Variants in CCDC91 observed in about 807,000 individuals in gnomAD.
CCDC91 encodes coiled-coil domain containing 91.
Under a neutral mutation model 63.2 loss-of-function variants are expected in CCDC91, and 48 were observed. The ratio of observed to expected loss-of-function variants is 0.76; its 90% confidence interval spans 0.60 to 0.97. The LOEUF (loss-of-function observed/expected upper bound fraction) is 0.97, where lower values mean the gene tolerates loss of function less well. Ranked by LOEUF, CCDC91 falls within the 50% of genes least tolerant of loss-of-function variation. The pLI is 0.00. For missense variants in CCDC91, 500 were observed against 494.6 expected (o/e 1.01, Z -0.10); for synonymous variants, 167 against 165.8 (o/e 1.01, Z -0.06).
chr12:28,278,364 C>T lies in CCDC91; in HGVS notation c.109+18922C>T, dbSNP rs1705080898. Reference sequence around the variant, plus strand: ...CCTTGATCCTTTTATATTTTCACTTCGATGAAATCTTTTAATTGAAGATAT... The same window carrying T: ...CCTTGATCCTTTTATATTTTCACTTTGATGAAATCTTTTAATTGAAGATAT... On this transcript the variant is annotated intron_variant, in intron 3 of 12. Coordinates refer to ENST00000536442, the MANE Select transcript of CCDC91 (RefSeq NM_018318.5). Among the ~76,000 whole-genome samples, 5 of 152,050 alleles carry T rather than the reference C, an allele frequency of 3.3e-5. No homozygotes were observed. In the South Asian group the frequency reaches 1.0e-3, roughly 32 times the overall value.
At chr12:28,208,792 T>C (rs1322194445) in intron 1 of CCDC91, among the ~76,000 whole-genome samples, 1 of 152,098 alleles carries the variant, frequency 6.6e-6, no homozygotes, top group Admixed American at 6.5e-5. Flanking sequence ...AGAAAATCTT[T>C]CATTATTTTA....
chr12:28,406,289 A>G (rs1160175717), intron 8 of CCDC91, among the ~76,000 whole-genome samples: 1 of 151,768 alleles, frequency 6.6e-6, no homozygotes, highest in East Asian at 1.9e-4. Context: ...AAAAAAAAAA[A>G]AAAATCCCTC....
rs567618316 is a variant in CCDC91, at chr12:28,297,319, G to C, written c.110-8330G>C. On this transcript the variant is annotated intron_variant, in intron 3 of 12. Transcript: ENST00000536442. ...GGGAAAAAAAATTGCACACTGTTTG[G>C]AAACTTGGTGCTCCTTCGCCTGTGT... Among the ~76,000 whole-genome samples the C allele has an allele frequency of 3.3e-5, 5 of 151,892 alleles. No individual in the cohort carries two copies. In the South Asian group the frequency reaches 1.0e-3, roughly 31 times the overall value.
chr12:28,357,247 T>C (rs1943585119), intron 6 of CCDC91, among the ~76,000 whole-genome samples: 1 of 152,182 alleles, frequency 6.6e-6, no homozygotes, highest in Non-Finnish European at 1.5e-5. Flanking sequence ...ATTTCTTGAA[T>C]ACTCATCATG....
intron 1 of CCDC91, among the ~76,000 whole-genome samples, chr12:28,208,786 A>C (rs1943029086): frequency 6.6e-6 from 1 of 151,984 alleles, no homozygotes; most frequent in Admixed American, 6.6e-5. Flanking sequence ...AGGCAAAGAA[A>C]ATCTTTCATT....
At chr12:28,286,180 A>T (rs1263952252) in intron 3 of CCDC91, among the ~76,000 whole-genome samples, 1 of 151,778 alleles carries the variant, frequency 6.6e-6, no homozygotes, top group East Asian at 1.9e-4. Flanking sequence ...TATCTAAGTT[A>T]TACCTTCATA....
In CCDC91 at chr12:28,510,990, T is replaced by C. The variant is rs527790629; in HGVS notation, c.1215+26825T>C. On this transcript the variant is annotated intron_variant, in intron 12 of 12. Transcript: ENST00000536442. ...GCTGCACAAACCAAAATCCTAGAAGTTATCCTTTCTTCAAAGCTCACATAA... is the reference window on the plus strand; with the variant it reads ...GCTGCACAAACCAAAATCCTAGAAGCTATCCTTTCTTCAAAGCTCACATAA... Among the ~76,000 whole-genome samples, 4 of 151,968 alleles carry C rather than the reference T, an allele frequency of 2.6e-5. No individual in the cohort carries two copies. The South Asian group carries it at 8.3e-4, about 32-fold the overall frequency.
At chr12:28,450,528 T>C (rs1484376203) in intron 10 of CCDC91, 110 bp downstream of exon 10, 12 of 753,452 alleles carry the variant, frequency 1.6e-5, no homozygotes, top group Admixed American at 2.5e-5. Flanking sequence ...ATAAAAATCG[T>C]TTTTATTTCT....
chr12:28,330,734 A>G (rs1446805485), intron 6 of CCDC91, among the ~76,000 whole-genome samples: 2 of 152,218 alleles, frequency 1.3e-5, no homozygotes, highest in Admixed American at 6.5e-5. Context: ...GGCTGCTAAA[A>G]TATTTTCATA....
At chr12:28,454,245 A>G (rs914621228) in intron 11 of CCDC91, among the ~76,000 whole-genome samples, 1 of 152,134 alleles carries the variant, frequency 6.6e-6, no homozygotes, top group African/African-American at 2.4e-5. Context: ...GTTGGTTTCT[A>G]TGCATTAGAA....
At chr12:28,221,131 T>TTA (rs762503657) in intron 1 of CCDC91, among the ~76,000 whole-genome samples, 1 of 152,100 alleles carries the variant, frequency 6.6e-6, no homozygotes, top group Non-Finnish European at 1.5e-5. Context: ...TTTTGAATAG[T>TTA]TATACTATTG....
chr12:28,292,683 C>T (rs776729188), intron 3 of CCDC91, among the ~76,000 whole-genome samples: 9 of 151,826 alleles, frequency 5.9e-5, no homozygotes, highest in African/African-American at 2.2e-4. Context: ...TGGTCTTCTG[C>T]TGTTGAAACT....
At chr12:28,500,997 C>A (rs1213161038) in intron 12 of CCDC91, among the ~76,000 whole-genome samples, 2 of 151,542 alleles carry the variant, frequency 1.3e-5, no homozygotes, top group Non-Finnish European at 3.0e-5. Flanking sequence ...ATTAGATGCC[C>A]TTTATATAGT....
chr12:28,284,960 C>T lies in CCDC91; in HGVS notation c.110-20689C>T, dbSNP rs1290314561. ...CATAACTCTCTTTGTATGAACTCAA[C>T]GTTTTTTGAGGAATATTCTCTAAAC... On this transcript the variant is annotated intron_variant, in intron 3 of 12. Transcript: ENST00000536442. 3.3e-5 allele frequency among the ~76,000 whole-genome samples: 5 copies of T among 152,100 alleles called. No homozygotes were observed. The East Asian group carries it at 7.7e-4, about 23-fold the overall frequency.
chr12:28,403,675 G>A (rs1395344106), intron 8 of CCDC91, among the ~76,000 whole-genome samples: 7 of 152,052 alleles, frequency 4.6e-5, no homozygotes, highest in Admixed American at 3.3e-4. Context: ...TCCAACTATA[G>A]CAGTTATTAA....
chr12:28,394,733 C>G (rs1312058950), intron 8 of CCDC91, among the ~76,000 whole-genome samples: 1 of 97,968 alleles, frequency 1.0e-5, no homozygotes, highest in African/African-American at 3.1e-5. Flanking sequence ...TCTCTCTCTC[C>G]CCCTTTTTCA....
intron 1 of CCDC91, among the ~76,000 whole-genome samples, chr12:28,242,694 G>C (rs952111333): frequency 3.9e-5 from 6 of 152,044 alleles, no homozygotes; most frequent in Non-Finnish European, 8.8e-5. Context: ...TGGGTGACGT[G>C]GTTTGGATCT....
intron 7 of CCDC91, among the ~76,000 whole-genome samples, chr12:28,383,076 C>A (rs1945391241): frequency 6.6e-6 from 1 of 152,048 alleles, no homozygotes; most frequent in African/African-American, 2.4e-5. Flanking sequence ...GAAATTTTCA[C>A]TGGGAGACTT....
intron 12 of CCDC91, among the ~76,000 whole-genome samples, chr12:28,528,342 A>C (rs780895705): frequency 1.3e-5 from 2 of 152,122 alleles, no homozygotes; most frequent in Non-Finnish European, 2.9e-5. Flanking sequence ...TTGGCTCTCT[A>C]AATTGACTCA....
Sources: gnomAD v4.1 joint callset for allele counts (sites outside exome capture counted in the v4.1 genomes callset) on GRCh38, gnomAD v4.1.1 for gene constraint, MANE v1.5 for transcripts, NCBI Gene and HGNC (gene_info 2026-07-23, HGNC 2026-07-21) for gene names.